IL1RAPL2: variants seen among roughly 807,000 people sequenced by gnomAD.
The protein encoded by IL1RAPL2 is X-linked interleukin-1 receptor accessory protein-like 2.
IL1RAPL2 carries 3 observed loss-of-function variants against 44.1 expected under a neutral mutation model. That is an observed-to-expected ratio of 0.07 (90% confidence interval 0.03 to 0.18). IL1RAPL2 has a LOEUF of 0.18. Among genes scored for constraint, IL1RAPL2 ranks in the 10% least tolerant of loss-of-function variants. The pLI is 1.00. For synonymous variants in IL1RAPL2, 181 were observed against 178.8 expected (o/e 1.01, Z -0.10); for missense variants, 391 against 496.4 (o/e 0.79, Z 2.02).
intron 2 of IL1RAPL2, among the ~76,000 whole-genome samples, chrX:105,075,773 G>T (rs1050615189): frequency 2.7e-5 from 3 of 111,900 alleles, no homozygotes; most frequent in African/African-American, 6.5e-5. Flanking sequence ...AGTCTTGGGA[G>T]AGTGTATGTG....
intron 2 of IL1RAPL2, among the ~76,000 whole-genome samples, chrX:105,004,340 T>A (rs2030904515): frequency 9.0e-6 from 1 of 110,879 alleles, no homozygotes; most frequent in Non-Finnish European, 1.9e-5. Context: ...TGTTTTGAAA[T>A]CTTATTAAAA....
intron 2 of IL1RAPL2, among the ~76,000 whole-genome samples, chrX:105,088,612 G>GT (rs1272020403): frequency 9.1e-6 from 1 of 110,458 alleles, no homozygotes; most frequent in African/African-American, 3.3e-5. Flanking sequence ...AATTGCTTTG[G>GT]TTTTTTTCTA....
intron 6 of IL1RAPL2, among the ~76,000 whole-genome samples, chrX:105,489,870 C>T (rs753511930): frequency 1.9e-5 from 2 of 105,106 alleles, no homozygotes; most frequent in African/African-American, 7.0e-5. Context: ...CTCTGTCACA[C>T]GGGGTAGAGT....
In IL1RAPL2 at chrX:105,252,259, A is replaced by G. The variant is rs975442203; in HGVS notation, c.544-15129A>G. 3.6e-5 allele frequency among the ~76,000 whole-genome samples: 4 copies of G among 111,718 alleles called. No individual in the cohort carries two copies. The Admixed American group carries it at 3.8e-4, about 11-fold the overall frequency. On this transcript the variant is annotated intron_variant, in intron 4 of 10. Coordinates refer to ENST00000372582, the MANE Select transcript of IL1RAPL2 (RefSeq NM_017416.2). Reference sequence around the variant, plus strand: ...ACCCATCTATGTTATGACATATATCAATAATTCATTTCTTTTTATGCTGAG... The same window carrying G: ...ACCCATCTATGTTATGACATATATCGATAATTCATTTCTTTTTATGCTGAG...
At chrX:104,995,441 T>C (rs2030731300) in intron 2 of IL1RAPL2, among the ~76,000 whole-genome samples, 1 of 111,759 alleles carries the variant, frequency 8.9e-6, no homozygotes, top group African/African-American at 3.2e-5. Flanking sequence ...ATCTCTTACA[T>C]GGCATAAAAG....
At chrX:104,579,590 G>T (rs757776090) in intron 1 of IL1RAPL2, among the ~76,000 whole-genome samples, 1 of 111,224 alleles carries the variant, frequency 9.0e-6, no homozygotes, top group Non-Finnish European at 1.9e-5. Context: ...AGCAACACCC[G>T]CTGGGGCCTA....
chrX:105,623,375 A>G (rs2037433385), intron 6 of IL1RAPL2, among the ~76,000 whole-genome samples: 1 of 110,525 alleles, frequency 9.0e-6, no homozygotes, highest in African/African-American at 3.3e-5. Context: ...ATAAATGCAT[A>G]TATTTGGAAA....
chrX:105,175,862 T>C (rs901718854), intron 2 of IL1RAPL2, among the ~76,000 whole-genome samples: 3 of 111,141 alleles, frequency 2.7e-5, no homozygotes, highest in East Asian at 2.8e-4. Flanking sequence ...GTAATACTTG[T>C]AATGATTATG....
rs747091854 is a variant in IL1RAPL2 at position 104,568,881 on chromosome X, G to T, written c.-20+1830G>T. 8.9e-5 allele frequency among the ~76,000 whole-genome samples: 10 copies of T among 111,830 alleles called. No individual in the cohort carries two copies. The South Asian group carries it at 3.4e-3, about 38-fold the overall frequency. On this transcript the variant is annotated intron_variant, in intron 1 of 10. Coordinates refer to ENST00000372582, the MANE Select transcript of IL1RAPL2 (RefSeq NM_017416.2). ...AGTACAGTCGCACCGTGAGGCTGCT[G>T]GACCCGATGCGGAGACTCCAGTTTG... is the stretch of plus-strand genomic sequence containing the variant.
chrX:105,050,839 T>G (rs1228100662), intron 2 of IL1RAPL2, among the ~76,000 whole-genome samples: 1 of 112,360 alleles, frequency 8.9e-6, no homozygotes, highest in East Asian at 2.8e-4. Flanking sequence ...GAGGGTGGCT[T>G]TTCTCTGCAG....
intron 5 of IL1RAPL2, among the ~76,000 whole-genome samples, chrX:105,429,724 C>T (rs2035835028): frequency 8.9e-6 from 1 of 111,775 alleles, no homozygotes; most frequent in Non-Finnish European, 1.9e-5. Context: ...GCCCTTGTAG[C>T]ATGAAAACAA....
intron 2 of IL1RAPL2, among the ~76,000 whole-genome samples, chrX:105,122,145 T>G (rs954853550): frequency 2.7e-5 from 3 of 111,681 alleles, no homozygotes; most frequent in South Asian, 3.7e-4. Flanking sequence ...AGTGTCTCTA[T>G]TTCAATAGTA....
intron 2 of IL1RAPL2, among the ~76,000 whole-genome samples, chrX:104,713,601 A>G (rs995026159): frequency 4.6e-5 from 5 of 109,527 alleles, no homozygotes; most frequent in East Asian, 2.9e-4. Context: ...TTTTATGTGT[A>G]TATATATATA....
intron 5 of IL1RAPL2, among the ~76,000 whole-genome samples, chrX:105,390,484 C>T (rs2035513036): frequency 9.0e-6 from 1 of 110,625 alleles, no homozygotes; most frequent in African/African-American, 3.3e-5. Flanking sequence ...AGTTAAATGC[C>T]CTGAGAGAAA....
chrX:104,821,193 T>C (rs1921291196), intron 2 of IL1RAPL2, among the ~76,000 whole-genome samples: 1 of 112,146 alleles, frequency 8.9e-6, no homozygotes, highest in South Asian at 3.7e-4. Context: ...AGCAGAAATA[T>C]CACAGTGATT....
At position 104,566,915 on chromosome X, in the gene IL1RAPL2, G is replaced by C. The variant is rs990992862; in HGVS notation, c.-156G>C. 1 of 112,542 alleles carries C rather than the reference G, an allele frequency of 8.9e-6. No homozygotes were observed. Among genetic ancestry groups the C allele is most frequent in the Non-Finnish European group, 1.9e-5 (1 of 53,371 alleles). The allele number at this position is 112,542 out of a possible 1,213,427, so 9.3% of individuals were successfully genotyped here. A position where few individuals can be genotyped will look rare whatever the true frequency, so the allele number is the denominator to read the frequency against. On this transcript the variant is annotated 5_prime_UTR_variant, in exon 1 of 11. Transcript: ENST00000372582. Reference sequence around the variant, plus strand: ...TTTGGGGAGACGCGGTCTTCCTCGCGCCCCCTTCAGCCACTCCGACTGCCT... The same window carrying C: ...TTTGGGGAGACGCGGTCTTCCTCGCCCCCCCTTCAGCCACTCCGACTGCCT...
At chrX:105,348,305 G>A (rs2035126625) in intron 5 of IL1RAPL2, among the ~76,000 whole-genome samples, 1 of 111,136 alleles carries the variant, frequency 9.0e-6, no homozygotes, top group Non-Finnish European at 1.9e-5. Flanking sequence ...GAGGACTCTA[G>A]AGCCAGATAT....
At chrX:105,748,819 C>T (rs1720389247) in intron 8 of IL1RAPL2, 141 bp from the exon 9 acceptor site, 1 of 471,904 alleles carries the variant, frequency 2.1e-6, no homozygotes, top group African/African-American at 2.4e-5. Flanking sequence ...ACAAATGTAT[C>T]AAGAGCAAAG....
chrX:105,711,092 C>T (rs1464402601), intron 6 of IL1RAPL2, among the ~76,000 whole-genome samples: 1 of 108,783 alleles, frequency 9.2e-6, no homozygotes, highest in Non-Finnish European at 1.9e-5. Flanking sequence ...GAAGCTACAC[C>T]CGGGGATCAC....
Sources: gnomAD v4.1 joint callset for allele counts (sites outside exome capture counted in the v4.1 genomes callset) on GRCh38, gnomAD v4.1.1 for gene constraint, MANE v1.5 for transcripts, NCBI Gene and HGNC (gene_info 2026-07-23, HGNC 2026-07-21) for gene names.